Variants in POT1 observed in about 807,000 individuals in gnomAD.
The protein encoded by POT1 is protection of telomeres protein 1.
A neutral mutation model predicts 78.5 loss-of-function variants in POT1; 47 were observed. The ratio of observed to expected loss-of-function variants is 0.60; its 90% CI spans 0.47 to 0.76. The LOEUF is 0.76. Among genes scored for constraint, POT1 ranks in the 30% least tolerant of loss-of-function variants. POT1 has a pLI of 0.00. For synonymous variants in POT1, 259 were observed against 260.7 expected (o/e 0.99, Z 0.06); for missense variants, 646 against 749.9 (o/e 0.86, Z 1.62).
chr7:124,824,020 G>C lies in POT1; in HGVS notation c.1847C>G (p.Thr616Arg). ...FIKSYNVTNGTDNQICYQIFD... is the reference protein window; with the variant it reads ...FIKSYNVTNGRDNQICYQIFD... ...AATCTGATAGCAAATTTGATTATCT[G>C]TTCCATTTGTGACATTGTATGACTT... The change falls in exon 19 of 19, where the codon ACA (threonine) becomes AGA (arginine). Residue 616 changes from threonine (T) to arginine (R), a missense_variant. Thr to Arg is a moderately conservative substitution (Grantham distance 71, BLOSUM62 -1). Coordinates refer to ENST00000357628, the MANE Select transcript of POT1 (RefSeq NM_015450.3). 2.5e-6 allele frequency: 4 copies of C among 1,609,004 alleles called. No homozygotes were observed. Among genetic ancestry groups the C allele is most frequent in the Non-Finnish European group, 3.4e-6 (4 of 1,176,676 alleles).
intron 9 of POT1, among the ~76,000 whole-genome samples, chr7:124,854,824 T>C (rs1231763535): frequency 1.3e-5 from 2 of 151,898 alleles, no homozygotes; most frequent in African/African-American, 4.8e-5. Flanking sequence ...TCTCATTCTT[T>C]TTGACTGGAT....
At position 124,823,604 on chromosome 7, in the gene POT1, G is replaced by A. The variant is rs1359335282; in HGVS notation, c.*358C>T. The A allele has an allele frequency of 5.6e-6, 1 of 180,044 alleles. No individual in the cohort carries two copies. Among genetic ancestry groups the A allele is most frequent in the Admixed American group, 6.3e-5 (1 of 15,768 alleles). 11.2% of individuals were successfully genotyped at this position (180,044 alleles called of 1,614,324 possible). On this transcript the variant is annotated 3_prime_UTR_variant, in exon 19 of 19. Transcript: ENST00000357628. ...GGAGAGAAACAAGCAATAAAACCAT[G>A]TATTACAAGTTTAAAGAAATGAATT...
At chr7:124,924,048 C>T (rs1468889867) in intron 2 of POT1, among the ~76,000 whole-genome samples, 2 of 151,070 alleles carry the variant, frequency 1.3e-5, no homozygotes, top group East Asian at 3.9e-4. Context: ...AATTAACACA[C>T]TAGCATCACA....
Position 124,907,457 on chromosome 7 carries a change from A to G in POT1, c.-154+8117T>C, listed in dbSNP as rs560305693. On this transcript the variant is annotated intron_variant, in intron 3 of 18. Transcript: ENST00000357628. The stretch of plus-strand genomic sequence containing the variant: ...CTTCACCCCCCACAAAATTAAGGCC[A>G]CATACTGTATGATTCTACCTAAAAG... Among the ~76,000 whole-genome samples, 16 of 151,912 alleles carry G rather than the reference A, an allele frequency of 1.1e-4. No individual in the cohort carries two copies. In the East Asian group the frequency reaches 3.1e-3, roughly 30 times the overall value.
chr7:124,843,843 CTTG>C (rs1356504796), intron 12 of POT1, among the ~76,000 whole-genome samples: 1 of 152,170 alleles, frequency 6.6e-6, no homozygotes, highest in East Asian at 1.9e-4. Context: ...CAATGAAATT[CTTG>C]TTGAATTAGT....
intron 2 of POT1, among the ~76,000 whole-genome samples, chr7:124,921,878 T>A (rs1052089939): frequency 6.6e-6 from 1 of 150,872 alleles, no homozygotes; most frequent in African/African-American, 2.5e-5. Context: ...GAAAAAAAAA[T>A]ATTTCAAGAA....
At position 124,822,832 on chromosome 7, in the gene POT1, T is replaced by C. The variant is rs1794537942; in HGVS notation, c.*1130A>G. 5.8e-6 allele frequency: 1 copy of C among 171,370 alleles called. No homozygotes were observed. The highest frequency in any genetic ancestry group is 1.4e-4 in the South Asian group (1 of 6,998). The allele number at this position is 171,370 out of a possible 1,614,324, so 10.6% of individuals were successfully genotyped here. ...AGCAAAGAAAGTCAGTTATCCAATCTTTTTGACAATAAGATGTTAAAAGTA... is the reference window on the plus strand; with the variant it reads ...AGCAAAGAAAGTCAGTTATCCAATCCTTTTGACAATAAGATGTTAAAAGTA... On this transcript the variant is annotated 3_prime_UTR_variant, in exon 19 of 19. Transcript: ENST00000357628.
At chr7:124,880,871 A>G (rs1232288937) in intron 6 of POT1, among the ~76,000 whole-genome samples, 3 of 152,040 alleles carry the variant, frequency 2.0e-5, no homozygotes, top group Non-Finnish European at 2.9e-5. Context: ...ACATACACAC[A>G]CACAATTCTA....
chr7:124,847,393 C>T (rs904487076), intron 11 of POT1, among the ~76,000 whole-genome samples: 4 of 152,174 alleles, frequency 2.6e-5, no homozygotes, highest in Non-Finnish European at 5.9e-5. Context: ...ACTCAGCAGG[C>T]TGAGGCATGA....
At chr7:124,838,167 C>A (rs534981410) in intron 14 of POT1, among the ~76,000 whole-genome samples, 15 of 151,990 alleles carry the variant, frequency 9.9e-5, no homozygotes, top group African/African-American at 3.4e-4. Context: ...TGCTCCTATT[C>A]AATATTGTAC....
chr7:124,898,536 A>G lies in POT1; in HGVS notation c.-153-162T>C, dbSNP rs12537161. 0.6 allele frequency among the ~76,000 whole-genome samples: 91,180 copies of G among 151,706 alleles called. 27,533 individuals carry two copies. Among genetic ancestry groups the G allele is most frequent in the African/African-American group, 0.65 (26,769 of 41,366 alleles). The stretch of plus-strand genomic sequence containing the variant: ...TTGTTTAACACTTGCTGAATACATT[A>G]TTTAGACTACCACTTCCTCTAAAAC... On this transcript the variant is annotated intron_variant, in intron 3 of 18. Coordinates refer to ENST00000357628, the MANE Select transcript of POT1 (RefSeq NM_015450.3).
At chr7:124,830,162 G>C (rs1325845197) in intron 15 of POT1, among the ~76,000 whole-genome samples, 2 of 152,086 alleles carry the variant, frequency 1.3e-5, no homozygotes, top group Non-Finnish European at 2.9e-5. Context: ...GTTAACTTTT[G>C]AAATGTATAT....
intron 6 of POT1, among the ~76,000 whole-genome samples, chr7:124,884,508 A>C (rs59044225): frequency 0.044 from 6,686 of 152,158 alleles, 369 homozygotes; most frequent in African/African-American, 0.12. Flanking sequence ...AGGGTAAGAG[A>C]AACAAGTAAT....
At chr7:124,900,872 TC>T (rs2116653715) in intron 3 of POT1, 2 of 363,636 alleles carry the variant, frequency 5.5e-6, no homozygotes, top group African/African-American at 4.2e-5. Context: ...GCTCATCAGG[TC>T]CCATGCCCAC....
chr7:124,880,705 C>T (rs543490012), intron 6 of POT1, among the ~76,000 whole-genome samples: 1 of 151,974 alleles, frequency 6.6e-6, no homozygotes, highest in African/African-American at 2.4e-5. Context: ...TTATTGTAGA[C>T]CCACTATCGA....
At chr7:124,866,071 T>C (rs1241356220) in intron 7 of POT1, among the ~76,000 whole-genome samples, 1 of 152,176 alleles carries the variant, frequency 6.6e-6, no homozygotes, top group Admixed American at 6.6e-5. Context: ...TTTGTTCTTG[T>C]TGGCCACTGA....
intron 3 of POT1, among the ~76,000 whole-genome samples, chr7:124,915,372 T>C (rs1306677761): frequency 6.6e-6 from 1 of 152,148 alleles, no homozygotes; most frequent in Non-Finnish European, 1.5e-5. Context: ...TGTAACATGT[T>C]AAAAGCCAAG....
At chr7:124,892,139 A>C in intron 6 of POT1, 127 bp downstream of exon 6, 1 of 567,778 alleles carries the variant, frequency 1.8e-6, no homozygotes, top group Non-Finnish European at 3.1e-6. Context: ...AATATGCATC[A>C]GTGTTGTTTG....
intron 15 of POT1, among the ~76,000 whole-genome samples, chr7:124,831,298 C>T (rs534256240): frequency 1.4e-4 from 22 of 152,164 alleles, no homozygotes; most frequent in Non-Finnish European, 3.1e-4. Context: ...AACTTATATA[C>T]ACCTTATAAT....
Sources: gnomAD v4.1 joint callset for allele counts (sites outside exome capture counted in the v4.1 genomes callset) on GRCh38, gnomAD v4.1.1 for gene constraint, MANE v1.5 for transcripts, NCBI Gene and HGNC (gene_info 2026-07-23, HGNC 2026-07-21) for gene names.